SPMIP3: variants seen among roughly 807,000 people sequenced by gnomAD.
The protein encoded by SPMIP3 is protein SPMIP3.
the SPMIP3 span, among the ~76,000 whole-genome samples, chr1:244,359,912 C>A: frequency 6.6e-6 from 1 of 151,538 alleles, no homozygotes; most frequent in Admixed American, 6.6e-5. Context: ...AGATTGAGAC[C>A]ATCCTGGCCA....
At chr1:244,355,334 G>A in the SPMIP3 span, among the ~76,000 whole-genome samples, 6 of 152,136 alleles carry the variant, frequency 3.9e-5, no homozygotes, top group African/African-American at 1.4e-4. Flanking sequence ...TTTCAAAATC[G>A]CTTCAGCTAT....
At chr1:244,379,818 A>T in the SPMIP3 span, among the ~76,000 whole-genome samples, 1 of 152,136 alleles carries the variant, frequency 6.6e-6, no homozygotes, top group Non-Finnish European at 1.5e-5. Flanking sequence ...TGTCTCTACT[A>T]AAAATACAAA....
chr1:244,379,771 G>T, the SPMIP3 span, among the ~76,000 whole-genome samples: 9 of 152,214 alleles, frequency 5.9e-5, no homozygotes, highest in South Asian at 6.2e-4. Flanking sequence ...CCTGAGGTCA[G>T]GAGTTCAGCA....
chr1:244,368,483 G>A, the SPMIP3 span, among the ~76,000 whole-genome samples: 1 of 152,198 alleles, frequency 6.6e-6, no homozygotes, highest in Non-Finnish European at 1.5e-5. Flanking sequence ...TTAAACTCAC[G>A]TCTGTGCTTG....
chr1:244,367,710 C>A, the SPMIP3 span, among the ~76,000 whole-genome samples: 56,175 of 152,012 alleles, frequency 0.37, 12,699 homozygotes, highest in East Asian at 0.75. Context: ...CCCGGACTCC[C>A]GGCCAGGTCC....
the SPMIP3 span, among the ~76,000 whole-genome samples, chr1:244,378,998 G>T: frequency 6.6e-6 from 1 of 151,842 alleles, no homozygotes; most frequent in African/African-American, 2.4e-5. Context: ...GTGCGATCTC[G>T]GCTCACTGCA....
chr1:244,383,895 T>C, the SPMIP3 span, among the ~76,000 whole-genome samples: 1 of 152,092 alleles, frequency 6.6e-6, no homozygotes, highest in Non-Finnish European at 1.5e-5. Context: ...GGGAAACTGT[T>C]GAAAAGTTTT....
the SPMIP3 span, among the ~76,000 whole-genome samples, chr1:244,370,760 G>A: frequency 4.6e-5 from 7 of 152,102 alleles, no homozygotes; most frequent in African/African-American, 7.2e-5. Flanking sequence ...ACATACCCTC[G>A]GGTGGCAGAA....
the SPMIP3 span, among the ~76,000 whole-genome samples, chr1:244,379,109 T>C: frequency 6.6e-6 from 1 of 151,880 alleles, no homozygotes; most frequent in Admixed American, 6.6e-5. Flanking sequence ...TCTGTATTTT[T>C]AGTAGAGACG....
the SPMIP3 span, among the ~76,000 whole-genome samples, chr1:244,372,513 A>G: frequency 5.4e-5 from 8 of 148,684 alleles, no homozygotes; most frequent in East Asian, 1.2e-3. Flanking sequence ...GCACGATCTC[A>G]GCTCACTGCA....
At chr1:244,365,623 A>G in the SPMIP3 span, among the ~76,000 whole-genome samples, 2 of 152,202 alleles carry the variant, frequency 1.3e-5, no homozygotes, top group South Asian at 4.1e-4. Flanking sequence ...GTTAATCAGA[A>G]GCCAACATGG....
the SPMIP3 span, among the ~76,000 whole-genome samples, chr1:244,385,623 T>C: frequency 6.6e-6 from 1 of 152,154 alleles, no homozygotes; most frequent in African/African-American, 2.4e-5. Flanking sequence ...GCGAAAAGCA[T>C]AAAAATAGTA....
At chr1:244,373,667 T>C in the SPMIP3 span, among the ~76,000 whole-genome samples, 9 of 151,754 alleles carry the variant, frequency 5.9e-5, no homozygotes, top group African/African-American at 1.5e-4. Context: ...CAACCACATA[T>C]AATTTAAAAA....
At chr1:244,367,971 G>GT in the SPMIP3 span, among the ~76,000 whole-genome samples, 2 of 151,806 alleles carry the variant, frequency 1.3e-5, no homozygotes, top group South Asian at 2.1e-4. Flanking sequence ...TTTTGTTTTT[G>GT]TTTTTTTGAG....
At chr1:244,358,638 T>C in the SPMIP3 span, among the ~76,000 whole-genome samples, 28 of 151,294 alleles carry the variant, frequency 1.9e-4, no homozygotes, top group Middle Eastern at 6.9e-3. Flanking sequence ...TATATATATA[T>C]ACACACACAT....
At chr1:244,386,274 T>G in the SPMIP3 span, among the ~76,000 whole-genome samples, 1 of 152,222 alleles carries the variant, frequency 6.6e-6, no homozygotes, top group Non-Finnish European at 1.5e-5. Context: ...GGTTAAAGTT[T>G]CTCTGTGGTT....
At chr1:244,355,923 T>C in the SPMIP3 span, among the ~76,000 whole-genome samples, 1 of 152,254 alleles carries the variant, frequency 6.6e-6, no homozygotes, top group Non-Finnish European at 1.5e-5. Context: ...TTTTAAGCAA[T>C]TGTAAATAGT....
chr1:244,356,045 T>C, the SPMIP3 span, among the ~76,000 whole-genome samples: 1 of 152,248 alleles, frequency 6.6e-6, no homozygotes. Context: ...TAGGAATTTA[T>C]TTGTAGATTT....
the SPMIP3 span, chr1:244,364,815 G>A: frequency 1.3e-6 from 2 of 1,533,672 alleles, no homozygotes; most frequent in East Asian, 4.5e-5. Flanking sequence ...AGGTGCCTGG[G>A]GAGTTAGAAT....
Sources: allele counts gnomAD v4.1 joint callset (sites outside exome capture counted in the v4.1 genomes callset), GRCh38; gene constraint gnomAD v4.1.1; transcripts MANE v1.5; gene names NCBI Gene and HGNC (gene_info 2026-07-23, HGNC 2026-07-21).